The following TENM3 variants were observed in gnomAD, a reference collection of about 807,000 sequenced individuals.
TENM3 encodes teneurin transmembrane protein 3, also known as teneurin-3.
Under a neutral mutation model 255.1 loss-of-function variants are expected in TENM3, and 63 were observed. The ratio of observed to expected loss-of-function variants is 0.25; its 90% confidence interval spans 0.20 to 0.30. The LOEUF (loss-of-function observed/expected upper bound fraction) is 0.30, where lower values mean the gene tolerates loss of function less well. TENM3 is among the 10% of genes least tolerant of loss of function. The pLI is 1.00. For synonymous variants in TENM3, 1,306 were observed against 1,322.3 expected (o/e 0.99, Z 0.27); for missense variants, 2,929 against 3,461.1 (o/e 0.85, Z 3.86).
At chr4:182,445,027 T>C (rs375617299) in intron 3 of TENM3, among the ~76,000 whole-genome samples, 5 of 152,206 alleles carry the variant, frequency 3.3e-5, no homozygotes, top group African/African-American at 1.2e-4. Context: ...CAGGCTGGTC[T>C]CGAACTCCTG....
rs1338848867 is a variant in TENM3 at position 182,565,717 on chromosome 4, A to G, written c.512-35207A>G. On this transcript the variant is annotated intron_variant, in intron 3 of 27. Transcript: ENST00000511685. ...ACAGAAAACACATTTCTTGCTTGCT[A>G]TATGTAGCAGGATTAGACATCTACA... 2.6e-5 allele frequency among the ~76,000 whole-genome samples: 4 copies of G among 152,298 alleles called. No homozygotes were observed. The East Asian group carries it at 5.8e-4, about 22-fold the overall frequency.
chr4:182,472,040 C>G (rs1733175784), intron 3 of TENM3, among the ~76,000 whole-genome samples: 1 of 151,776 alleles, frequency 6.6e-6, no homozygotes, highest in Admixed American at 6.6e-5. Flanking sequence ...TGAGTGGACT[C>G]TTGAATTTCA....
intron 3 of TENM3, among the ~76,000 whole-genome samples, chr4:182,575,673 A>C (rs1205061778): frequency 6.6e-6 from 1 of 152,192 alleles, no homozygotes; most frequent in Non-Finnish European, 1.5e-5. Context: ...ATAAAGAATA[A>C]CATTTTTGTT....
At chr4:182,587,572 C>G (rs938001361) in intron 3 of TENM3, among the ~76,000 whole-genome samples, 1 of 151,890 alleles carries the variant, frequency 6.6e-6, no homozygotes, top group African/African-American at 2.4e-5. Flanking sequence ...AGTGAGACTT[C>G]GCCTCAAAAA....
At chr4:182,602,123 T>A (rs976653443) in intron 4 of TENM3, among the ~76,000 whole-genome samples, 4 of 152,220 alleles carry the variant, frequency 2.6e-5, no homozygotes. Flanking sequence ...ACAGTCACTG[T>A]CTCCTTGTAA....
chr4:181,872,469 C>G, the TENM3 span, among the ~76,000 whole-genome samples: 1 of 152,088 alleles, frequency 6.6e-6, no homozygotes, highest in East Asian at 1.9e-4. Flanking sequence ...CCTCCCCCTC[C>G]TTCCACCCTC....
chr4:181,855,416 T>A, the TENM3 span, among the ~76,000 whole-genome samples: 1 of 152,156 alleles, frequency 6.6e-6, no homozygotes, highest in Non-Finnish European at 1.5e-5. Context: ...CAACATGAAA[T>A]GAGGAAAATT....
At chr4:182,304,909 C>G (rs1762050488) in intron 1 of TENM3, among the ~76,000 whole-genome samples, 1 of 152,124 alleles carries the variant, frequency 6.6e-6, no homozygotes, top group East Asian at 1.9e-4. Context: ...GGTGCTACGA[C>G]AGTGATTCAG....
At chr4:181,568,693 T>C in the TENM3 span, among the ~76,000 whole-genome samples, 1 of 152,156 alleles carries the variant, frequency 6.6e-6, no homozygotes, top group Non-Finnish European at 1.5e-5. Flanking sequence ...GAAAATCTGA[T>C]ACTTTATTCA....
chr4:181,932,060 A>T, the TENM3 span, among the ~76,000 whole-genome samples: 1 of 152,226 alleles, frequency 6.6e-6, no homozygotes, highest in Non-Finnish European at 1.5e-5. Flanking sequence ...AAATCATCAA[A>T]ACCCTAGAAG....
chr4:182,182,008 A>G (rs1406387518), intron 1 of TENM3, among the ~76,000 whole-genome samples: 3 of 152,088 alleles, frequency 2.0e-5, no homozygotes, highest in Non-Finnish European at 4.4e-5. Flanking sequence ...CAGGATAGAA[A>G]CAGTTTTCTG....
intron 3 of TENM3, among the ~76,000 whole-genome samples, chr4:182,593,760 G>A (rs2152394026): frequency 6.6e-6 from 1 of 152,156 alleles, no homozygotes; most frequent in African/African-American, 2.4e-5. Context: ...CCTCCCACAT[G>A]AACCGAGCAC....
intron 3 of TENM3, among the ~76,000 whole-genome samples, chr4:182,417,306 A>T (rs1466896081): frequency 6.6e-6 from 1 of 152,038 alleles, no homozygotes; most frequent in Non-Finnish European, 1.5e-5. Context: ...CAGATGGAAA[A>T]CAATAATAGC....
the TENM3 span, among the ~76,000 whole-genome samples, chr4:182,110,046 G>C: frequency 6.6e-6 from 1 of 150,852 alleles, no homozygotes; most frequent in Non-Finnish European, 1.5e-5. Flanking sequence ...CTTGGGAGGT[G>C]GAGGTTGCAG....
intron 1 of TENM3, among the ~76,000 whole-genome samples, chr4:182,294,165 G>C (rs530356856): frequency 1.3e-5 from 2 of 152,258 alleles, no homozygotes; most frequent in South Asian, 4.2e-4. Flanking sequence ...TTAAGAAGAG[G>C]ATTCCTACTA....
intron 1 of TENM3, among the ~76,000 whole-genome samples, chr4:182,300,489 C>T (rs377719281): frequency 6.6e-6 from 1 of 152,130 alleles, no homozygotes; most frequent in Non-Finnish European, 1.5e-5. Context: ...GTCTGACAGT[C>T]GAGTTAAACA....
At chr4:182,368,779 A>C (rs756930570) in intron 3 of TENM3, among the ~76,000 whole-genome samples, 1 of 152,140 alleles carries the variant, frequency 6.6e-6, no homozygotes, top group Admixed American at 6.5e-5. Flanking sequence ...TTCTTCCCCC[A>C]GATTGCAAGT....
At chr4:182,127,671 AT>A in the TENM3 span, among the ~76,000 whole-genome samples, 2 of 152,214 alleles carry the variant, frequency 1.3e-5, no homozygotes, top group East Asian at 3.8e-4. Flanking sequence ...TATTTGCTAC[AT>A]TTTTAAAAGG....
At chr4:182,758,573 G>A (rs975697792) in intron 22 of TENM3, among the ~76,000 whole-genome samples, 7 of 152,052 alleles carry the variant, frequency 4.6e-5, no homozygotes, top group African/African-American at 1.7e-4. Flanking sequence ...AATCCCCGTC[G>A]GAATGCCTTT....
Sources: gnomAD v4.1 joint callset for allele counts (sites outside exome capture counted in the v4.1 genomes callset) on GRCh38, gnomAD v4.1.1 for gene constraint, MANE v1.5 for transcripts, NCBI Gene and HGNC (gene_info 2026-07-23, HGNC 2026-07-21) for gene names.